Variants in ASIC4 observed in about 807,000 individuals in gnomAD.
ASIC4 encodes acid-sensing ion channel 4.
ASIC4 carries 28 observed loss-of-function variants against 53.4 expected under a neutral mutation model. The observed-to-expected ratio is 0.52, with a 90% CI of 0.39 to 0.72. The LOEUF (loss-of-function observed/expected upper bound fraction) is 0.72. Ranked by LOEUF, ASIC4 falls within the 30% of genes least tolerant of loss-of-function variation. ASIC4 has a pLI of 0.00. For synonymous variants in ASIC4, 289 were observed against 301.4 expected, an observed-to-expected ratio of 0.96 and a Z score of 0.43; for missense variants, 649 against 729.7, an observed-to-expected ratio of 0.89 and a Z score of 1.27.
At position 219,531,887 on chromosome 2, in the gene ASIC4, A is replaced by C. The variant is rs751304881; in HGVS notation, c.712A>C (p.Ile238Leu). Residue 238 changes from isoleucine (I) to leucine (L), a missense_variant, in exon 2 of 10, where the codon ATC (isoleucine) becomes CTC (leucine). Ile to Leu is a conservative substitution (Grantham distance 5). Transcript: ENST00000358078. The stretch of plus-strand genomic sequence containing the variant: ...CATCCAGCAGGAGGAGTACCTGCCC[A>C]TCTGGAGGGAGACAAGTACGCAGGC... Reference protein sequence around the residue: ...LDIQQEEYLPIWRETNETSFE... With the variant: ...LDIQQEEYLPLWRETNETSFE... The C allele has an allele frequency of 7.3e-5, 118 of 1,611,598 alleles. No individual in the cohort carries two copies. Among genetic ancestry groups the C allele is most frequent in the Non-Finnish European group, 9.7e-5 (114 of 1,178,456 alleles).
intron 1 of ASIC4, among the ~76,000 whole-genome samples, chr2:219,528,777 T>A (rs181643925): frequency 4.9e-4 from 75 of 152,272 alleles, no homozygotes; most frequent in African/African-American, 1.7e-3. Flanking sequence ...TGACCTCAAG[T>A]GTTCTGCCCT....
rs567292356 is a variant in ASIC4 at position 219,518,686 on chromosome 2, C to T, written c.582+3380C>T. Among the ~76,000 whole-genome samples the T allele has an allele frequency of 1.6e-4, 24 of 152,230 alleles. No individual in the cohort carries two copies. The highest frequency in any genetic ancestry group is 3.2e-4 in the Non-Finnish European group (22 of 68,026). ...CTCCAAGCCCCAGTTCTACCTTCCC[C>T]ACTGCGGCCTGCTCTCAGCCTGCCC... On this transcript the variant is annotated intron_variant, in intron 1 of 9. Coordinates refer to ENST00000358078, the MANE Select transcript of ASIC4 (RefSeq NM_018674.6). The surrounding 1 kb of genome is among the most constrained non-coding windows in gnomAD (Gnocchi z 4.8).
chr2:219,531,601 G>A (rs1236710226), intron 1 of ASIC4, among the ~76,000 whole-genome samples, 157 bp from the exon 2 acceptor site: 1 of 152,204 alleles, frequency 6.6e-6, no homozygotes, highest in Non-Finnish European at 1.5e-5. Context: ...AGAAAAGTTG[G>A]CGCTGATTGG....
chr2:219,533,318 A>G (rs1695074213), intron 5 of ASIC4: 2 of 332,320 alleles, frequency 6.0e-6, no homozygotes, highest in African/African-American at 4.2e-5. Flanking sequence ...CTGTCCACAG[A>G]TCTTGCCTGA....
chr2:219,529,451 A>G (rs1181162061), intron 1 of ASIC4, among the ~76,000 whole-genome samples: 1 of 152,208 alleles, frequency 6.6e-6, no homozygotes. Flanking sequence ...AGGAAGGTAC[A>G]GAGGAACGAT....
chr2:219,535,857 C>T (rs1377024059), intron 6 of ASIC4, among the ~76,000 whole-genome samples: 4 of 150,786 alleles, frequency 2.7e-5, no homozygotes, highest in Non-Finnish European at 4.4e-5. Context: ...ACTGCAACCT[C>T]GACCTCCCAG....
intron 1 of ASIC4, among the ~76,000 whole-genome samples, chr2:219,522,353 A>AC (rs1194854046): frequency 4.0e-5 from 3 of 75,446 alleles, no homozygotes; most frequent in African/African-American, 1.5e-4. Context: ...TAAATACCAA[A>AC]CGGGGGGAGG....
At chr2:219,509,948 G>A (rs1284305871), upstream of ASIC4, among the ~76,000 whole-genome samples, 2 of 151,728 alleles carry the variant, frequency 1.3e-5, no homozygotes, top group South Asian at 2.1e-4. This position sits in a 1 kb window ranked among gnomAD's most constrained non-coding sequence, Gnocchi z 5.2. Flanking sequence ...GCCCGTTCTC[G>A]ATCCTCGGTA....
chr2:219,532,686 G>A lies in ASIC4; in HGVS notation c.1019-197G>A, dbSNP rs115563988. The A allele has an allele frequency of 1.5e-3, 1,273 of 827,678 alleles. 13 individuals are homozygous for A. The African/African-American group carries it at 0.019, about 13-fold the overall frequency. 51.3% of individuals were successfully genotyped at this position (827,678 alleles called of 1,614,324 possible). A position where few individuals can be genotyped will look rare whatever the true frequency, so the allele number is the denominator to read the frequency against. On this transcript the variant is annotated intron_variant, in intron 4 of 9. Coordinates refer to ENST00000358078, the MANE Select transcript of ASIC4 (RefSeq NM_018674.6). ...CCGGCATGCAGATGCCTGTGTGCAT[G>A]TTAATATGTATTTGTGTACGTGCAT...
intron 1 of ASIC4, among the ~76,000 whole-genome samples, chr2:219,529,929 A>C (rs1695014792): frequency 6.6e-6 from 1 of 151,894 alleles, no homozygotes; most frequent in African/African-American, 2.4e-5. Context: ...CTTCTCAGGC[A>C]TGGGGACTTC....
At chr2:219,507,488 T>C in the ASIC4 span, among the ~76,000 whole-genome samples, 1 of 152,184 alleles carries the variant, frequency 6.6e-6, no homozygotes, top group East Asian at 1.9e-4. Flanking sequence ...CTCTGTCTTC[T>C]ACTCCCCTGG....
At chr2:219,522,400 G>A (rs1165310703) in intron 1 of ASIC4, among the ~76,000 whole-genome samples, 3 of 146,278 alleles carry the variant, frequency 2.1e-5, no homozygotes, top group African/African-American at 5.1e-5. Flanking sequence ...TGGGGTGGGG[G>A]CTGGGCAGGT....
At chr2:219,521,866 T>C (rs1402357225) in intron 1 of ASIC4, among the ~76,000 whole-genome samples, 1 of 152,240 alleles carries the variant, frequency 6.6e-6, no homozygotes, top group African/African-American at 2.4e-5. Context: ...GGAGAAGATC[T>C]GCCACGTTTG....
Position 219,518,685 on chromosome 2 carries a change from C to T in ASIC4, c.582+3379C>T, listed in dbSNP as rs983592663. Among the ~76,000 whole-genome samples, 13 of 152,212 alleles carry T rather than the reference C, an allele frequency of 8.5e-5. No individual in the cohort carries two copies. The highest frequency in any genetic ancestry group is 7.2e-4 in the Admixed American group (11 of 15,288). On this transcript the variant is annotated intron_variant, in intron 1 of 9. Transcript: ENST00000358078. This position sits in a 1 kb window ranked among gnomAD's most constrained non-coding sequence, Gnocchi z 4.8. ...CCTCCAAGCCCCAGTTCTACCTTCC[C>T]CACTGCGGCCTGCTCTCAGCCTGCC...
chr2:219,522,953 G>A (rs990944202), intron 1 of ASIC4, among the ~76,000 whole-genome samples: 5 of 152,126 alleles, frequency 3.3e-5, no homozygotes, highest in Non-Finnish European at 4.4e-5. Context: ...GGAGGGCGGC[G>A]AGGCGCGCGA....
At chr2:219,523,133 T>G (rs1026619743) in intron 1 of ASIC4, among the ~76,000 whole-genome samples, 2 of 152,034 alleles carry the variant, frequency 1.3e-5, no homozygotes, top group Non-Finnish European at 2.9e-5. Flanking sequence ...GCTGTGGGAG[T>G]GTGCTCCACT....
rs1286932495 is a variant in ASIC4 at position 219,518,963 on chromosome 2, G to T, written c.582+3657G>T. ...TTGTTGCCCAGGCTGGAGTGCAGCG[G>T]CGCGATCTCGGCTCACTACAGGCTC... is the stretch of plus-strand genomic sequence containing the variant. On this transcript the variant is annotated intron_variant, in intron 1 of 9. Coordinates refer to ENST00000358078, the MANE Select transcript of ASIC4 (RefSeq NM_018674.6). The surrounding 1 kb of genome is among the most constrained non-coding windows in gnomAD (Gnocchi z 4.8). Among the ~76,000 whole-genome samples the T allele has an allele frequency of 6.6e-6, 1 of 152,170 alleles. No homozygotes were observed. Among genetic ancestry groups the T allele is most frequent in the African/African-American group, 2.4e-5 (1 of 41,434 alleles).
At chr2:219,535,495 CATGT>C (rs1324136180) in intron 6 of ASIC4, among the ~76,000 whole-genome samples, 171 bp downstream of exon 6, 1 of 147,488 alleles carries the variant, frequency 6.8e-6, no homozygotes, top group African/African-American at 2.5e-5. Context: ...TGTGTACATG[CATGT>C]GTGTGTGTGT....
At chr2:219,514,455 G>C, upstream of ASIC4, 1 of 1,550,170 alleles carries the variant, frequency 6.5e-7, no homozygotes, top group Non-Finnish European at 8.7e-7. Flanking sequence ...TGCTGGTGCT[G>C]ATAAGGGAAG....
Sources: allele counts gnomAD v4.1 joint callset (sites outside exome capture counted in the v4.1 genomes callset), GRCh38; gene constraint gnomAD v4.1.1; non-coding constraint Gnocchi (gnomAD v3.1); transcripts MANE v1.5; gene names NCBI Gene and HGNC (gene_info 2026-07-23, HGNC 2026-07-21).